PCDH15: variants seen among roughly 807,000 people sequenced by gnomAD.
PCDH15 encodes protocadherin-15.
Under a neutral mutation model 178.5 loss-of-function variants are expected in PCDH15, and 129 were observed. That is an observed-to-expected ratio of 0.72 (90% CI 0.63 to 0.84). PCDH15 has a LOEUF of 0.84. PCDH15 is among the 40% of genes least tolerant of loss of function. The pLI is 0.00. For synonymous variants in PCDH15, 800 were observed against 732.0 expected (o/e 1.09, Z -1.50); for missense variants, 2,230 against 2,099.9 (o/e 1.06, Z -1.21).
chr10:54,031,236 T>G (rs576779538), intron 18 of PCDH15, among the ~76,000 whole-genome samples: 6 of 63,528 alleles, frequency 9.4e-5, no homozygotes, highest in African/African-American at 2.4e-4. Flanking sequence ...TTCCCTGATA[T>G]AGGTTTTTTT....
intron 2 of PCDH15, among the ~76,000 whole-genome samples, chr10:54,579,974 G>A (rs2090891209): frequency 6.6e-6 from 1 of 152,052 alleles, no homozygotes; most frequent in Non-Finnish European, 1.5e-5. Flanking sequence ...CCTATACAAT[G>A]TTAAGAGGAA....
Position 54,244,647 on chromosome 10 carries a change from T to C in PCDH15, c.877-7716A>G, listed in dbSNP as rs560785941. On this transcript the variant is annotated intron_variant, in intron 8 of 37. Coordinates refer to ENST00000644397, the MANE Select transcript of PCDH15 (RefSeq NM_001384140.1). Reference sequence around the variant, plus strand: ...GAGGATACATAGATCACAGAAATATTTCTTACAACCCTTTCTCACATTCTT... The same window carrying C: ...GAGGATACATAGATCACAGAAATATCTCTTACAACCCTTTCTCACATTCTT... Among the ~76,000 whole-genome samples, 15 of 152,320 alleles carry C rather than the reference T, an allele frequency of 9.8e-5. No individual in the cohort carries two copies. In the East Asian group the frequency reaches 1.4e-3, roughly 14 times the overall value.
At chr10:55,601,477 T>A (rs980965286) in intron 2 of PCDH15, among the ~76,000 whole-genome samples, 1 of 152,090 alleles carries the variant, frequency 6.6e-6, no homozygotes, top group African/African-American at 2.4e-5. Flanking sequence ...GAGAAGTAGA[T>A]TTAAACTAGA....
At chr10:54,629,040 T>C (rs907552382) in intron 2 of PCDH15, among the ~76,000 whole-genome samples, 6 of 152,116 alleles carry the variant, frequency 3.9e-5, no homozygotes, top group African/African-American at 1.4e-4. Context: ...TATGACAAAA[T>C]TATCAAATTT....
chr10:54,895,933 C>T lies in PCDH15; in HGVS notation c.-29+1517G>A, dbSNP rs1237875410. On this transcript the variant is annotated intron_variant, in intron 3 of 5. Coordinates refer to the PCDH15 transcript ENST00000458638. ...ATGGAGTCTCACTCTGTTGCCCAGG[C>T]TAGAGTGCAGTGGCACTATCTCGGC... 2.7e-5 allele frequency among the ~76,000 whole-genome samples: 4 copies of T among 149,924 alleles called. No homozygotes were observed. In the East Asian group the frequency reaches 5.9e-4, roughly 22 times the overall value.
chr10:54,570,237 C>T (rs932475189), intron 2 of PCDH15, among the ~76,000 whole-genome samples: 2 of 151,936 alleles, frequency 1.3e-5, no homozygotes, highest in African/African-American at 4.8e-5. Flanking sequence ...TACGTGACTT[C>T]CTGTGCTTTT....
At chr10:53,828,656 C>A in intron 30 of PCDH15, 83 bp from the exon 31 acceptor site, 9 of 1,117,602 alleles carry the variant, frequency 8.1e-6, no homozygotes, top group Non-Finnish European at 1.1e-5. Context: ...CTGATTTATT[C>A]TAAATCATGA....
intron 1 of PCDH15, among the ~76,000 whole-genome samples, chr10:55,206,046 C>T (rs889644107): frequency 2.6e-5 from 4 of 151,958 alleles, no homozygotes; most frequent in African/African-American, 9.7e-5. Flanking sequence ...CCCACTGGTT[C>T]CTTCCCACAA....
intron 10 of PCDH15, among the ~76,000 whole-genome samples, chr10:54,213,238 T>G (rs1439093926): frequency 6.6e-6 from 1 of 152,166 alleles, no homozygotes; most frequent in Non-Finnish European, 1.5e-5. Context: ...TTCCTGTTTT[T>G]CCTTCACTGC....
chr10:55,036,723 T>A (rs954042814), intron 2 of PCDH15, among the ~76,000 whole-genome samples: 23 of 152,194 alleles, frequency 1.5e-4, no homozygotes, highest in African/African-American at 4.3e-4. Context: ...AATGTGTAAC[T>A]CTAGCTTTCT....
chr10:54,590,618 A>C (rs1184737194), intron 2 of PCDH15, among the ~76,000 whole-genome samples: 1 of 152,178 alleles, frequency 6.6e-6, no homozygotes, highest in Non-Finnish European at 1.5e-5. Flanking sequence ...GTAGCACAAC[A>C]CTAGATGCTG....
intron 1 of PCDH15, among the ~76,000 whole-genome samples, chr10:54,715,063 T>C (rs939826685): frequency 3.9e-5 from 6 of 151,996 alleles, no homozygotes; most frequent in African/African-American, 1.2e-4. Flanking sequence ...TTGCTGATAC[T>C]CATTTTTTTT....
chr10:54,474,268 T>C (rs892438551), intron 3 of PCDH15, among the ~76,000 whole-genome samples: 1 of 151,494 alleles, frequency 6.6e-6, no homozygotes, highest in African/African-American at 2.4e-5. Context: ...GATTCTTCAA[T>C]ACAAAGAAAA....
At chr10:54,978,919 C>T (rs571599886) in intron 2 of PCDH15, among the ~76,000 whole-genome samples, 3 of 152,088 alleles carry the variant, frequency 2.0e-5, no homozygotes, top group Non-Finnish European at 4.4e-5. Context: ...TGTCTTTTGT[C>T]ATAGGGCACC....
intron 3 of PCDH15, among the ~76,000 whole-genome samples, chr10:54,510,722 C>T (rs2081574065): frequency 6.6e-6 from 1 of 152,110 alleles, no homozygotes; most frequent in Non-Finnish European, 1.5e-5. Context: ...CAAGCTATGA[C>T]CATGTGACCA....
chr10:53,879,401 G>A (rs568258659), intron 26 of PCDH15, among the ~76,000 whole-genome samples: 22 of 152,180 alleles, frequency 1.4e-4, no homozygotes, highest in African/African-American at 4.8e-4. Context: ...CTTATAAGGA[G>A]GGTGGGAGCC....
chr10:54,912,526 C>T (rs973316212), intron 2 of PCDH15, among the ~76,000 whole-genome samples: 2 of 152,124 alleles, frequency 1.3e-5, no homozygotes, highest in African/African-American at 2.4e-5. Context: ...AAGACCTCAC[C>T]ATCTATGCTA....
At chr10:54,473,677 T>C (rs2078075586) in intron 3 of PCDH15, among the ~76,000 whole-genome samples, 1 of 152,038 alleles carries the variant, frequency 6.6e-6, no homozygotes, top group Non-Finnish European at 1.5e-5. Context: ...ACTATAAAAA[T>C]AATATAACAA....
chr10:54,211,314 C>G (rs533606596), intron 10 of PCDH15, among the ~76,000 whole-genome samples: 84 of 152,192 alleles, frequency 5.5e-4, no homozygotes, highest in African/African-American at 1.8e-3. Flanking sequence ...CCTGGGTAAA[C>G]CAAATCTATG....
Sources: gnomAD v4.1 joint callset for allele counts (sites outside exome capture counted in the v4.1 genomes callset) on GRCh38, gnomAD v4.1.1 for gene constraint, MANE v1.5 for transcripts, NCBI Gene and HGNC (gene_info 2026-07-23, HGNC 2026-07-21) for gene names.